Variants in KCNIP1 observed in about 807,000 individuals in gnomAD.
KCNIP1 encodes the protein A-type potassium channel modulatory protein KCNIP1.
In KCNIP1, 18 loss-of-function variants were observed where a neutral mutation model predicts 33.0. The ratio of observed to expected loss-of-function variants is 0.55; its 90% CI spans 0.38 to 0.81. KCNIP1 has a LOEUF of 0.81. Among genes scored for constraint, KCNIP1 ranks in the 30% least tolerant of loss-of-function variants. The pLI, the probability that KCNIP1 is intolerant of heterozygous loss-of-function variation, is 0.00. For synonymous variants in KCNIP1, 93 were observed against 98.3 expected, an observed-to-expected ratio of 0.95 and a Z score of 0.32; for missense variants, 238 against 271.6, an observed-to-expected ratio of 0.88 and a Z score of 0.87.
In KCNIP1 at chr5:170,609,182, G is replaced by A. The variant is rs141978892; in HGVS notation, c.61+104549G>A. Among the ~76,000 whole-genome samples, 241 of 152,324 alleles carry A rather than the reference G, an allele frequency of 1.6e-3. 7 individuals carry two copies. Among genetic ancestry groups the A allele is most frequent in the Admixed American group, 0.012 (189 of 15,304 alleles). On this transcript the variant is annotated intron_variant, in intron 1 of 7. Transcript: ENST00000328939. Reference sequence around the variant, plus strand: ...AGGGTGGCTTCCTAACAAATATAATGAGAAGGCGCTTCCTCTCTTCCTTTC... The same window carrying A: ...AGGGTGGCTTCCTAACAAATATAATAAGAAGGCGCTTCCTCTCTTCCTTTC...
At chr5:170,709,685 T>G (rs1184701783) in intron 1 of KCNIP1, among the ~76,000 whole-genome samples, 1 of 152,238 alleles carries the variant, frequency 6.6e-6, no homozygotes, top group Non-Finnish European at 1.5e-5. Flanking sequence ...TTTGTAGTGC[T>G]CCTTCACTCT....
In KCNIP1 at chr5:170,504,350, C is replaced by G. The variant is rs1326550012; in HGVS notation, c.-223C>G. ...GCGCGGGGAAGCGGTTCCGAAGGCTCGCGGGGAGCGGCTAGCCCTGAGTCC... is the reference window on the plus strand; with the variant it reads ...GCGCGGGGAAGCGGTTCCGAAGGCTGGCGGGGAGCGGCTAGCCCTGAGTCC... On this transcript the variant is annotated 5_prime_UTR_variant, in exon 1 of 8. Transcript: ENST00000328939. This position sits in a 1 kb window ranked among gnomAD's most constrained non-coding sequence, Gnocchi z 6.0. 1 of 1,395,876 alleles carries G rather than the reference C, an allele frequency of 7.2e-7. No individual in the cohort carries two copies. Among genetic ancestry groups the G allele is most frequent in the Non-Finnish European group, 9.3e-7 (1 of 1,080,476 alleles). 86.5% of individuals were successfully genotyped at this position (1,395,876 alleles called of 1,614,324 possible).
intron 1 of KCNIP1, among the ~76,000 whole-genome samples, chr5:170,481,319 G>C (rs1382939366): frequency 1.3e-5 from 2 of 152,200 alleles, no homozygotes; most frequent in African/African-American, 2.4e-5. Flanking sequence ...GTTTCTTTAA[G>C]TGGAGAAAAC....
intron 1 of KCNIP1, among the ~76,000 whole-genome samples, chr5:170,708,676 G>T (rs1424230400): frequency 6.6e-6 from 1 of 152,208 alleles, no homozygotes; most frequent in African/African-American, 2.4e-5. Context: ...GGCCAAGGCA[G>T]GAGGATTGCT....
chr5:170,735,080 T>C (rs534686449), intron 7 of KCNIP1, among the ~76,000 whole-genome samples: 1 of 152,346 alleles, frequency 6.6e-6, no homozygotes, highest in African/African-American at 2.4e-5. Context: ...AATAAGCCTA[T>C]ACTGACATTA....
At chr5:170,500,448 T>C (rs1248715197), upstream of KCNIP1, among the ~76,000 whole-genome samples, 3 of 152,100 alleles carry the variant, frequency 2.0e-5, no homozygotes, top group Admixed American at 2.0e-4. Flanking sequence ...GCTGGCAAGG[T>C]CGCTGTATTG....
intron 1 of KCNIP1, chr5:170,680,427 G>T (rs1372415012): frequency 6.6e-6 from 1 of 152,152 alleles, no homozygotes; most frequent in East Asian, 1.9e-4. Context: ...TACTTAGCCA[G>T]CCTGATTACC....
intron 1 of KCNIP1, among the ~76,000 whole-genome samples, chr5:170,631,182 T>C (rs944276032): frequency 6.6e-5 from 10 of 152,036 alleles, no homozygotes; most frequent in Non-Finnish European, 1.0e-4. Flanking sequence ...GAACTTCCAG[T>C]GTGTAGGGGC....
chr5:170,517,717 T>G (rs1262131907), intron 1 of KCNIP1, among the ~76,000 whole-genome samples: 2 of 149,346 alleles, frequency 1.3e-5, no homozygotes, highest in East Asian at 3.9e-4. Context: ...ATGGTAGTAG[T>G]GATGGTGGTG....
intron 1 of KCNIP1, among the ~76,000 whole-genome samples, chr5:170,643,731 A>T (rs932826807): frequency 6.6e-6 from 1 of 152,166 alleles, no homozygotes; most frequent in Non-Finnish European, 1.5e-5. Flanking sequence ...CTCCATCCCC[A>T]CAGTGGGACG....
chr5:170,544,257 T>A (rs1372878953), intron 1 of KCNIP1, among the ~76,000 whole-genome samples: 3 of 151,940 alleles, frequency 2.0e-5, no homozygotes, highest in South Asian at 2.1e-4. Flanking sequence ...CTACTAAAAA[T>A]AATAATAATA....
At chr5:170,377,175 C>A (rs137959944) in intron 1 of KCNIP1, 1 of 152,264 alleles carries the variant, frequency 6.6e-6, no homozygotes, top group African/African-American at 2.4e-5. Flanking sequence ...AAAATCCTCG[C>A]GACAGGACGC....
chr5:170,730,520 C>T (rs1230283382), intron 5 of KCNIP1, among the ~76,000 whole-genome samples: 1 of 152,092 alleles, frequency 6.6e-6, no homozygotes, highest in Non-Finnish European at 1.5e-5. Context: ...AACAAAATTG[C>T]TCTTTCTGTG....
At chr5:170,566,937 G>A (rs1438569959) in intron 1 of KCNIP1, among the ~76,000 whole-genome samples, 1 of 152,216 alleles carries the variant, frequency 6.6e-6, no homozygotes, top group African/African-American at 2.4e-5. Context: ...GCCAGCACCT[G>A]GATATTCAGA....
chr5:170,476,881 A>G (rs1756868470), intron 1 of KCNIP1, among the ~76,000 whole-genome samples: 1 of 152,236 alleles, frequency 6.6e-6, no homozygotes, highest in African/African-American at 2.4e-5. Context: ...TACCAAGCAC[A>G]GAGACAGTTT....
chr5:170,375,243 T>C (rs942951421), intron 1 of KCNIP1: 3 of 152,190 alleles, frequency 2.0e-5, no homozygotes, highest in Admixed American at 1.3e-4. Flanking sequence ...TATAGTACAA[T>C]ATTACAATTA....
At chr5:170,405,322 G>T (rs1200274645) in intron 1 of KCNIP1, among the ~76,000 whole-genome samples, 1 of 152,032 alleles carries the variant, frequency 6.6e-6, no homozygotes, top group Non-Finnish European at 1.5e-5. Flanking sequence ...AGCCTCCCAA[G>T]TAGCTGGGAC....
chr5:170,574,746 C>T (rs544923912), intron 1 of KCNIP1, among the ~76,000 whole-genome samples: 53 of 152,284 alleles, frequency 3.5e-4, no homozygotes, highest in Middle Eastern at 3.4e-3. Flanking sequence ...CTGGCCAGGA[C>T]GCCATCCCAT....
Position 170,441,804 on chromosome 5 carries a change from T to G in KCNIP1, c.88+87840T>G, listed in dbSNP as rs1050947543. On this transcript the variant is annotated intron_variant, in intron 1 of 7. Coordinates refer to the KCNIP1 transcript ENST00000377360. ...GTCTGTACTAAAAATACAAAAAAAC[T>G]AGCTGGGCATGGTGGCGGGCACCTG... 5.9e-5 allele frequency among the ~76,000 whole-genome samples: 9 copies of G among 151,880 alleles called. No individual in the cohort carries two copies. The South Asian group carries it at 1.0e-3, about 18-fold the overall frequency.
Sources: gnomAD v4.1 joint callset for allele counts (sites outside exome capture counted in the v4.1 genomes callset) on GRCh38, gnomAD v4.1.1 for gene constraint, Gnocchi (gnomAD v3.1) non-coding constraint, MANE v1.5 for transcripts, NCBI Gene and HGNC (gene_info 2026-07-23, HGNC 2026-07-21) for gene names.